Variants in PCDHGA1 observed in about 807,000 individuals in gnomAD.
The protein encoded by PCDHGA1 is protocadherin gamma subfamily A, 1, also known as protocadherin gamma-A1.
PCDHGA1 carries 32 observed loss-of-function variants against 58.0 expected under a neutral mutation model. That is an observed-to-expected ratio of 0.55 (90% CI 0.42 to 0.74). The LOEUF is 0.74. PCDHGA1 is among the 30% of genes least tolerant of loss of function. PCDHGA1 has a pLI of 0.00. For missense variants in PCDHGA1, 1,205 were observed against 1,182.3 expected (o/e 1.02, Z -0.28); for synonymous variants, 498 against 501.1 (o/e 0.99, Z 0.08).
intron 1 of PCDHGA1, chr5:141,356,567 C>T (rs1421968549): frequency 6.2e-7 from 1 of 1,614,048 alleles, no homozygotes; most frequent in African/African-American, 1.3e-5. Context: ...CCTCATGCTT[C>T]CTACTCTGCT....
At chr5:141,365,626 C>T in intron 1 of PCDHGA1, 2 of 1,613,678 alleles carry the variant, frequency 1.2e-6, no homozygotes, top group Non-Finnish European at 8.5e-7. Flanking sequence ...CCCCGCCCCT[C>T]TCTACAGAAA....
intron 1 of PCDHGA1, chr5:141,394,806 G>A: frequency 6.2e-7 from 1 of 1,613,852 alleles, no homozygotes; most frequent in Non-Finnish European, 8.5e-7. Flanking sequence ...CGTAGCCGTG[G>A]CTGACAGCAT....
chr5:141,489,283 G>A lies in PCDHGA1; in HGVS notation c.2422-5524G>A. The A allele has an allele frequency of 6.4e-7, 1 of 1,569,594 alleles. No homozygotes were observed. Among genetic ancestry groups the A allele is most frequent in the Admixed American group, 1.8e-5 (1 of 55,646 alleles). ...CCCACAGCTCGCTGGGAAATGGCAA[G>A]TGCTGTGCATGTTGTCCTTGTGCTG... On this transcript the variant is annotated intron_variant, in intron 1 of 3. Coordinates refer to ENST00000517417, the MANE Select transcript of PCDHGA1 (RefSeq NM_018912.3). This position sits in a 1 kb window ranked among gnomAD's most constrained non-coding sequence, Gnocchi z 4.5.
At chr5:141,389,512 A>T in intron 1 of PCDHGA1, 1 of 1,613,138 alleles carries the variant, frequency 6.2e-7, no homozygotes, top group Non-Finnish European at 8.5e-7. Context: ...CTCAGCGCGA[A>T]CGTGAGCCTG....
At chr5:141,360,765 G>A (rs1194584899) in intron 1 of PCDHGA1, 1 of 1,613,902 alleles carries the variant, frequency 6.2e-7, no homozygotes, top group East Asian at 2.2e-5. Flanking sequence ...TACATCAATT[G>A]GTCCTCACAG....
At chr5:141,447,976 C>T (rs774074042) in intron 1 of PCDHGA1, among the ~76,000 whole-genome samples, 18 of 151,938 alleles carry the variant, frequency 1.2e-4, no homozygotes, top group Non-Finnish European at 2.5e-4. Flanking sequence ...ATCCCAGCTA[C>T]TCGGGAGGCT....
At chr5:141,449,055 A>T (rs1056298558) in intron 1 of PCDHGA1, among the ~76,000 whole-genome samples, 1 of 152,188 alleles carries the variant, frequency 6.6e-6, no homozygotes, top group Non-Finnish European at 1.5e-5. Context: ...CTCATAAATG[A>T]GCGCTATTGA....
At chr5:141,478,088 A>G (rs2099429877) in intron 1 of PCDHGA1, 2 of 1,613,944 alleles carry the variant, frequency 1.2e-6, no homozygotes, top group African/African-American at 1.3e-5. Context: ...TTCGCTCTCC[A>G]CCACTGCTAC....
intron 2 of PCDHGA1, among the ~76,000 whole-genome samples, chr5:141,502,783 G>A (rs2099816035): frequency 6.6e-6 from 1 of 151,652 alleles, no homozygotes; most frequent in African/African-American, 2.4e-5. Context: ...AAAATTACCT[G>A]GATGATTTCT....
chr5:141,480,273 G>A (rs2099516030), intron 1 of PCDHGA1, among the ~76,000 whole-genome samples: 1 of 151,956 alleles, frequency 6.6e-6, no homozygotes, highest in Non-Finnish European at 1.5e-5. Flanking sequence ...TCATTAGCTG[G>A]GTGTGTTGGC....
intron 1 of PCDHGA1, chr5:141,419,330 C>G (rs2096361200): frequency 1.9e-6 from 3 of 1,613,958 alleles, no homozygotes; most frequent in Non-Finnish European, 2.5e-6. Context: ...CTCCTACTCT[C>G]TCATTGCCAG....
rs912284799 is a variant in PCDHGA1, at chr5:141,346,670, G to A, written c.2421+13565G>A. 3.2e-5 allele frequency: 22 copies of A among 694,760 alleles called. No homozygotes were observed. In the East Asian group the frequency reaches 5.6e-4, roughly 18 times the overall value. The allele number at this position is 694,760 out of a possible 1,614,324, so 43.0% of individuals were successfully genotyped here. On this transcript the variant is annotated intron_variant, in intron 1 of 3. Coordinates refer to ENST00000517417, the MANE Select transcript of PCDHGA1 (RefSeq NM_018912.3). ...GGGCTTAGGGAAAAAATAATACATC[G>A]TGAGTGAAAGTAAAGTGTCACTTCC... is the stretch of plus-strand genomic sequence containing the variant.
chr5:141,440,373 G>A (rs866892003), intron 1 of PCDHGA1: 2 of 152,214 alleles, frequency 1.3e-5, no homozygotes, highest in Non-Finnish European at 2.9e-5. Context: ...GGCCGAGGCA[G>A]GAGAATCGCT....
chr5:141,504,988 C>T (rs886919738), intron 2 of PCDHGA1, among the ~76,000 whole-genome samples: 2 of 152,036 alleles, frequency 1.3e-5, no homozygotes, highest in African/African-American at 4.8e-5. Context: ...ATGGTGAAAC[C>T]CCGTCTGTAC....
chr5:141,394,925 C>T (rs771405918), intron 1 of PCDHGA1: 9 of 1,613,696 alleles, frequency 5.6e-6, no homozygotes, highest in South Asian at 1.1e-5. Context: ...CCTGTGTCTT[C>T]CTCGCCTTTG....
rs768423100 is a variant in PCDHGA1 at position 141,332,959 on chromosome 5, C to T, written c.2275C>T (p.Leu759Phe). 3 of 1,614,204 alleles carry T rather than the reference C, an allele frequency of 1.9e-6. No homozygotes were observed. In the Admixed American group the frequency reaches 5.0e-5, roughly 27 times the overall value. Residue 759 changes from leucine to phenylalanine, a missense_variant, in exon 1 of 4, where the codon CTC becomes TTC. By Grantham distance (22) the Leu-to-Phe change is conservative. Coordinates refer to ENST00000517417, the MANE Select transcript of PCDHGA1 (RefSeq NM_018912.3). This position sits in a 1 kb window ranked among gnomAD's most constrained non-coding sequence, Gnocchi z 4.6. ...FLQTYSHEVS[L>F]TADSRKSHLI... is the part of the protein sequence containing the mutation. Reference sequence around the variant, plus strand: ...GCAGACCTATTCCCACGAGGTCTCCCTCACTGCGGACTCGCGGAAGAGCCA... The same window carrying T: ...GCAGACCTATTCCCACGAGGTCTCCTTCACTGCGGACTCGCGGAAGAGCCA...
Position 141,485,220 on chromosome 5 carries a change from C to T in PCDHGA1, c.2422-9587C>T. The T allele has an allele frequency of 6.2e-7, 1 of 1,614,192 alleles. No homozygotes were observed. The highest frequency in any genetic ancestry group is 8.5e-7 in the Non-Finnish European group (1 of 1,180,024). On this transcript the variant is annotated intron_variant, in intron 1 of 3. Transcript: ENST00000517417. This position sits in a 1 kb window ranked among gnomAD's most constrained non-coding sequence, Gnocchi z 5.7. ...TGGACAGAAATCTGGCGGTGGGCTA[C>T]CCTTTTGTTCCTCTTTTACCACCTG... is the stretch of plus-strand genomic sequence containing the variant.
chr5:141,485,185 G>C lies in PCDHGA1; in HGVS notation c.2422-9622G>C. On this transcript the variant is annotated intron_variant, in intron 1 of 3. Transcript: ENST00000517417. This position sits in a 1 kb window ranked among gnomAD's most constrained non-coding sequence, Gnocchi z 5.7. ...AGCGGGCGGCAGCAATGCTCCGCAA[G>C]GTGAGAAGCTGGACAGAAATCTGGC... 6.2e-7 allele frequency: 1 copy of C among 1,613,528 alleles called. No homozygotes were observed. Among genetic ancestry groups the C allele is most frequent in the Non-Finnish European group, 8.5e-7 (1 of 1,179,492 alleles).
Position 141,331,916 on chromosome 5 carries a change from A to G in PCDHGA1, c.1232A>G (p.Asp411Gly). ...YYRLVTERTL[D>G]RELISGYNIT... Reference sequence around the variant, plus strand: ...CGTTTAGTGACTGAAAGAACACTGGACAGAGAACTTATCTCTGGGTACAAC... The same window carrying G: ...CGTTTAGTGACTGAAAGAACACTGGGCAGAGAACTTATCTCTGGGTACAAC... Residue 411 changes from aspartate (D) to glycine (G), a missense_variant, in exon 1 of 4, where the codon GAC becomes GGC. Asp to Gly is a moderately conservative substitution (Grantham distance 94). Transcript: ENST00000517417. The G allele has an allele frequency of 6.2e-7, 1 of 1,614,160 alleles. No individual in the cohort carries two copies. Among genetic ancestry groups the G allele is most frequent in the Non-Finnish European group, 8.5e-7 (1 of 1,180,034 alleles).
Sources: allele counts gnomAD v4.1 joint callset (sites outside exome capture counted in the v4.1 genomes callset), GRCh38; gene constraint gnomAD v4.1.1; non-coding constraint Gnocchi (gnomAD v3.1); transcripts MANE v1.5; gene names NCBI Gene and HGNC (gene_info 2026-07-23, HGNC 2026-07-21).